The following TMEM108 variants were observed in gnomAD, a reference collection of about 807,000 sequenced individuals.
TMEM108 encodes the protein cancer/testis antigen 124.
In TMEM108, 12 loss-of-function variants were observed where a neutral mutation model predicts 35.1. The observed-to-expected ratio is 0.34, with a 90% confidence interval of 0.22 to 0.55. TMEM108 has a LOEUF of 0.55. Ranked by LOEUF, TMEM108 falls within the 20% of genes least tolerant of loss-of-function variation. TMEM108 has a pLI of 0.89. For missense variants in TMEM108, 680 were observed against 753.3 expected, an observed-to-expected ratio of 0.90 and a Z score of 1.14; for synonymous variants, 287 against 308.6, an observed-to-expected ratio of 0.93 and a Z score of 0.73.
intron 2 of TMEM108, among the ~76,000 whole-genome samples, chr3:133,187,883 C>CAAA (rs34894272): frequency 0.22 from 28,061 of 126,632 alleles, 3,451 homozygotes; most frequent in East Asian, 0.47. Context: ...ACGGTTGCTG[C>CAAA]AAAAAAAAAA....
At chr3:133,112,314 C>T (rs1416886511) in intron 2 of TMEM108, among the ~76,000 whole-genome samples, 3 of 152,082 alleles carry the variant, frequency 2.0e-5, no homozygotes, top group Non-Finnish European at 4.4e-5. Flanking sequence ...ACCCTTACTC[C>T]ATTCCCCTAT....
chr3:133,058,071 A>AT (rs201603548), intron 2 of TMEM108, among the ~76,000 whole-genome samples: 21 of 145,152 alleles, frequency 1.4e-4, no homozygotes, highest in African/African-American at 2.1e-4. Context: ...AGCACGTTGG[A>AT]TTTTTTTTTA....
At chr3:133,155,522 T>G (rs566439894) in intron 2 of TMEM108, among the ~76,000 whole-genome samples, 1 of 152,242 alleles carries the variant, frequency 6.6e-6, no homozygotes, top group East Asian at 1.9e-4. Context: ...CATCTGTTAT[T>G]GTTTGAGTTT....
At chr3:133,143,547 C>T (rs1447888046) in intron 2 of TMEM108, among the ~76,000 whole-genome samples, 9 of 152,148 alleles carry the variant, frequency 5.9e-5, no homozygotes, top group Admixed American at 4.6e-4. Flanking sequence ...CTTTTCATTC[C>T]TTTGCCTTTT....
At chr3:133,085,596 A>T (rs1943871776) in intron 2 of TMEM108, among the ~76,000 whole-genome samples, 1 of 152,046 alleles carries the variant, frequency 6.6e-6, no homozygotes. Context: ...TATTATTTGG[A>T]CCAAATTTGG....
chr3:133,266,655 G>A (rs1946700458), intron 3 of TMEM108, among the ~76,000 whole-genome samples: 1 of 152,162 alleles, frequency 6.6e-6, no homozygotes. Flanking sequence ...CTGATTAAGT[G>A]CACTAAAGTC....
chr3:133,132,008 T>C (rs1453662608), intron 2 of TMEM108, among the ~76,000 whole-genome samples: 1 of 152,170 alleles, frequency 6.6e-6, no homozygotes, highest in East Asian at 1.9e-4. Context: ...CTAACTCTTT[T>C]CAACTCTCTG....
At chr3:133,052,819 C>G (rs138691474) in intron 2 of TMEM108, among the ~76,000 whole-genome samples, 2,244 of 152,158 alleles carry the variant, frequency 0.015, 26 homozygotes, top group Non-Finnish European at 0.024. Flanking sequence ...TTTGGGCTCT[C>G]TGGTCACAAA....
chr3:133,073,506 C>CTATATATA (rs1235632663), intron 2 of TMEM108, among the ~76,000 whole-genome samples: 1 of 78,986 alleles, frequency 1.3e-5, no homozygotes, highest in Non-Finnish European at 2.4e-5. Flanking sequence ...CTCTCTCTCT[C>CTATATATA]TCTCTATATA....
chr3:133,179,831 G>A (rs937925865), intron 2 of TMEM108, among the ~76,000 whole-genome samples: 8 of 150,234 alleles, frequency 5.3e-5, no homozygotes. Flanking sequence ...AAATAAAATG[G>A]CCCTTCTTAG....
rs73217531 is a variant in TMEM108 at position 133,242,223 on chromosome 3, A to G, written c.40+12872A>G. On this transcript the variant is annotated intron_variant, in intron 3 of 5. Transcript: ENST00000321871. The stretch of plus-strand genomic sequence containing the variant: ...GATCATATTCAGAGGTTTCAGGGTT[A>G]AGATGTGGATATGTCCTTTGGGAGA... 3.3e-3 allele frequency among the ~76,000 whole-genome samples: 505 copies of G among 152,304 alleles called. 3 individuals are homozygous for G. The highest frequency in any genetic ancestry group is 5.0e-3 in the Non-Finnish European group (338 of 68,016).
chr3:133,371,184 G>C (rs1228194326), intron 3 of TMEM108, among the ~76,000 whole-genome samples: 1 of 152,126 alleles, frequency 6.6e-6, no homozygotes, highest in Non-Finnish European at 1.5e-5. Context: ...CTACATGGAT[G>C]GTATTCCAGT....
intron 2 of TMEM108, among the ~76,000 whole-genome samples, chr3:133,156,460 A>G (rs1248175220): frequency 2.0e-5 from 3 of 152,312 alleles, no homozygotes; most frequent in African/African-American, 7.2e-5. Context: ...TTGTACCACA[A>G]TAGCCTTTTA....
At chr3:133,242,392 T>A (rs1946325837) in intron 3 of TMEM108, among the ~76,000 whole-genome samples, 1 of 152,194 alleles carries the variant, frequency 6.6e-6, no homozygotes, top group Non-Finnish European at 1.5e-5. Flanking sequence ...GGTGAAGAGA[T>A]GGAACCATGA....
At chr3:133,223,640 C>A (rs759630773) in intron 2 of TMEM108, among the ~76,000 whole-genome samples, 5 of 152,148 alleles carry the variant, frequency 3.3e-5, no homozygotes, top group African/African-American at 1.2e-4. Flanking sequence ...GGCTTGCCAT[C>A]TATCCAAAGC....
intron 3 of TMEM108, among the ~76,000 whole-genome samples, chr3:133,311,226 G>C (rs1289869868): frequency 6.6e-6 from 1 of 152,098 alleles, no homozygotes; most frequent in East Asian, 1.9e-4. Flanking sequence ...TATCTTTGTG[G>C]TGTTTTCTGT....
chr3:133,290,695 A>T (rs1415717618), intron 3 of TMEM108, among the ~76,000 whole-genome samples: 3 of 152,204 alleles, frequency 2.0e-5, no homozygotes, highest in Admixed American at 2.0e-4. Flanking sequence ...ATTATACAAC[A>T]AATAGGAAAC....
In TMEM108 at chr3:133,170,602, A is replaced by G. The variant is rs554332681; in HGVS notation, c.-46-58664A>G. 2.6e-5 allele frequency among the ~76,000 whole-genome samples: 4 copies of G among 152,236 alleles called. No individual in the cohort carries two copies. In the South Asian group the frequency reaches 8.3e-4, roughly 31 times the overall value. Reference sequence around the variant, plus strand: ...ATCATCCAAAAAAAAGCATTTAGGTATTGGTGGTGTACAAGCACTAAACAT... The same window carrying G: ...ATCATCCAAAAAAAAGCATTTAGGTGTTGGTGGTGTACAAGCACTAAACAT... On this transcript the variant is annotated intron_variant, in intron 2 of 5. Coordinates refer to ENST00000321871, the MANE Select transcript of TMEM108 (RefSeq NM_023943.4).
intron 3 of TMEM108, among the ~76,000 whole-genome samples, chr3:133,377,048 G>A (rs376444219): frequency 4.6e-5 from 7 of 152,072 alleles, no homozygotes; most frequent in East Asian, 1.9e-4. Context: ...CTGTGCACAC[G>A]TGCTCCAGAT....
Sources: allele counts gnomAD v4.1 joint callset (sites outside exome capture counted in the v4.1 genomes callset), GRCh38; gene constraint gnomAD v4.1.1; transcripts MANE v1.5; gene names NCBI Gene and HGNC (gene_info 2026-07-23, HGNC 2026-07-21).